Variants in USP6NL observed in about 807,000 individuals in gnomAD.
The protein encoded by USP6NL is USP6 N-terminal-like protein.
In USP6NL, 26 loss-of-function variants were observed where a neutral mutation model predicts 61.9. The observed-to-expected ratio is 0.42, with a 90% CI of 0.31 to 0.58. The LOEUF (loss-of-function observed/expected upper bound fraction) is 0.58, where lower values mean the gene tolerates loss of function less well. Among genes scored for constraint, USP6NL ranks in the 20% least tolerant of loss-of-function variants. USP6NL has a pLI of 0.16. For missense variants in USP6NL, 1,114 were observed against 1,034.3 expected, an observed-to-expected ratio of 1.08 and a Z score of -1.06; for synonymous variants, 432 against 390.1, an observed-to-expected ratio of 1.11 and a Z score of -1.27.
chr10:11,465,593 TCTG>T lies in USP6NL; in HGVS notation c.1079-1747_1079-1745del, dbSNP rs543745338. ...AAAAAAGGAATAGATTTCCAGCTGG[TCTG>T]CTGCTGCTGCTGCTGCTACTGCTGC... On this transcript the variant is annotated intron_variant, in intron 14 of 14. Coordinates refer to ENST00000609104, the MANE Select transcript of USP6NL (RefSeq NM_014688.5). The surrounding 1 kb of genome is among the most constrained non-coding windows in gnomAD (Gnocchi z 4.5). Among the ~76,000 whole-genome samples the T allele has an allele frequency of 6.6e-6, 1 of 151,948 alleles. No individual in the cohort carries two copies. Among genetic ancestry groups the T allele is most frequent in the Admixed American group, 6.6e-5 (1 of 15,248 alleles).
chr10:11,552,600 T>C (rs1836536139), intron 2 of USP6NL, among the ~76,000 whole-genome samples: 1 of 152,146 alleles, frequency 6.6e-6, no homozygotes, highest in African/African-American at 2.4e-5. Context: ...TCCTTTAGGG[T>C]GGGAATAAGA....
intron 5 of USP6NL, among the ~76,000 whole-genome samples, chr10:11,517,917 C>T (rs1053397224): frequency 2.6e-5 from 4 of 152,158 alleles, no homozygotes; most frequent in Admixed American, 2.0e-4. Flanking sequence ...AGGGAGATTT[C>T]GGACAACCTT....
intron 2 of USP6NL, among the ~76,000 whole-genome samples, chr10:11,534,838 A>G (rs979252212): frequency 6.6e-6 from 1 of 152,206 alleles, no homozygotes; most frequent in African/African-American, 2.4e-5. Context: ...ATTGGCTATT[A>G]ATGTTCACAA....
At chr10:11,488,300 G>A (rs899715489) in intron 10 of USP6NL, among the ~76,000 whole-genome samples, 5 of 152,022 alleles carry the variant, frequency 3.3e-5, no homozygotes, top group Non-Finnish European at 5.9e-5. Flanking sequence ...GTGTGGTTCC[G>A]GATACTAGAG....
Position 11,482,095 on chromosome 10 carries a change from C to T in USP6NL, c.926-173G>A, listed in dbSNP as rs904954648. On this transcript the variant is annotated intron_variant, in intron 13 of 14. Transcript: ENST00000609104. The surrounding 1 kb of genome is among the most constrained non-coding windows in gnomAD (Gnocchi z 4.0). ...AAACTCAGTAAGACAAAAATATTGC[C>T]TGATATTAAAGCAGCCACAGAGAAA... Among the ~76,000 whole-genome samples, 1 of 152,096 alleles carries T rather than the reference C, an allele frequency of 6.6e-6. No individual in the cohort carries two copies. Among genetic ancestry groups the T allele is most frequent in the African/African-American group, 2.4e-5 (1 of 41,424 alleles).
chr10:11,605,977 C>A (rs1838694369), intron 1 of USP6NL, among the ~76,000 whole-genome samples: 1 of 151,998 alleles, frequency 6.6e-6, no homozygotes, highest in Non-Finnish European at 1.5e-5. Flanking sequence ...TGAGAACTTG[C>A]CAAAATTGAC....
intron 2 of USP6NL, among the ~76,000 whole-genome samples, chr10:11,551,129 G>GT (rs1352966761): frequency 2.6e-5 from 4 of 152,124 alleles, no homozygotes; most frequent in Non-Finnish European, 5.9e-5. Flanking sequence ...TCACTCCTAG[G>GT]TATCTACGCA....
chr10:11,505,261 G>A (rs1461890004), intron 6 of USP6NL, among the ~76,000 whole-genome samples: 1 of 152,176 alleles, frequency 6.6e-6, no homozygotes, highest in African/African-American at 2.4e-5. Context: ...GAGTCCAACA[G>A]TAATAATGAC....
intron 1 of USP6NL, among the ~76,000 whole-genome samples, chr10:11,604,852 A>C (rs965815282): frequency 1.3e-5 from 2 of 152,198 alleles, no homozygotes; most frequent in African/African-American, 4.8e-5. Context: ...TAAAATAATT[A>C]TAATAATATG....
intron 14 of USP6NL, among the ~76,000 whole-genome samples, chr10:11,471,741 C>G (rs1832759271): frequency 6.7e-6 from 1 of 148,696 alleles, no homozygotes. Flanking sequence ...ATACCAAATA[C>G]TGCATGTTCT....
At chr10:11,609,127 C>T (rs574986200) in intron 1 of USP6NL, among the ~76,000 whole-genome samples, 4 of 152,058 alleles carry the variant, frequency 2.6e-5, no homozygotes, top group Non-Finnish European at 5.9e-5. Flanking sequence ...TGCAGTGGAG[C>T]GATCTCCGCT....
In USP6NL at chr10:11,537,808, A is replaced by G. The variant is rs1363383053; in HGVS notation, c.5-10241T>C. On this transcript the variant is annotated intron_variant, in intron 2 of 14. Coordinates refer to ENST00000609104, the MANE Select transcript of USP6NL (RefSeq NM_014688.5). This position sits in a 1 kb window ranked among gnomAD's most constrained non-coding sequence, Gnocchi z 5.1. ...CACCTGCTGGCCTCTGGGTGTGCCC[A>G]CTTGTAATGCTATTGCCCAAATGAT... 6.6e-6 allele frequency among the ~76,000 whole-genome samples: 1 copy of G among 151,974 alleles called. No homozygotes were observed. Among genetic ancestry groups the G allele is most frequent in the African/African-American group, 2.4e-5 (1 of 41,346 alleles).
In USP6NL at chr10:11,560,714, T is replaced by TATTATA. The variant is rs138095176; in HGVS notation, c.5-33148_5-33147insTATAAT. ...CCAAACAGTAAAAAATATATATATA[T>TATTATA]TATATATATATATATATATATTCAA... On this transcript the variant is annotated intron_variant, in intron 2 of 14. Coordinates refer to ENST00000609104, the MANE Select transcript of USP6NL (RefSeq NM_014688.5). Among the ~76,000 whole-genome samples, 933 of 141,266 alleles carry TATTATA rather than the reference T, an allele frequency of 6.6e-3. 34 individuals carry two copies. The highest frequency in any genetic ancestry group is 0.064 in the Admixed American group (893 of 13,964). 92.7% of individuals were successfully genotyped at this position (141,266 alleles called of 152,430 possible). A position where few individuals can be genotyped will look rare whatever the true frequency, so the allele number is the denominator to read the frequency against.
chr10:11,555,433 A>AAAAAAAAAAAAAT (rs1275798295), intron 2 of USP6NL, among the ~76,000 whole-genome samples: 2 of 49,028 alleles, frequency 4.1e-5, no homozygotes, highest in African/African-American at 9.4e-5. Context: ...AAAAAAAAAA[A>AAAAAAAAAAAAAT]ATATATATAT....
At chr10:11,467,539 T>G (rs946714363) in intron 14 of USP6NL, among the ~76,000 whole-genome samples, 1 of 152,224 alleles carries the variant, frequency 6.6e-6, no homozygotes, top group African/African-American at 2.4e-5. Flanking sequence ...AGAGGATTTG[T>G]GAAATTCAGT....
chr10:11,542,907 T>C (rs1319137462), intron 2 of USP6NL, among the ~76,000 whole-genome samples: 1 of 152,086 alleles, frequency 6.6e-6, no homozygotes, highest in Non-Finnish European at 1.5e-5. Context: ...CATGTCTCCG[T>C]CACCTCCTTT....
At chr10:11,563,496 G>A (rs1199915285) in intron 2 of USP6NL, 1 of 151,890 alleles carries the variant, frequency 6.6e-6, no homozygotes, top group Admixed American at 6.6e-5. Context: ...TCTGTGGATT[G>A]TACCAATATC....
intron 6 of USP6NL, among the ~76,000 whole-genome samples, chr10:11,508,560 A>C (rs1340807441): frequency 6.6e-6 from 1 of 152,228 alleles, no homozygotes; most frequent in Non-Finnish European, 1.5e-5. Context: ...GTACTGTGGA[A>C]TTAGTGATTC....
At chr10:11,536,711 C>T (rs1835847210) in intron 2 of USP6NL, among the ~76,000 whole-genome samples, 1 of 152,178 alleles carries the variant, frequency 6.6e-6, no homozygotes. Flanking sequence ...CAATCCAATC[C>T]TATACTTCCC....
Sources: allele counts gnomAD v4.1 joint callset (sites outside exome capture counted in the v4.1 genomes callset), GRCh38; gene constraint gnomAD v4.1.1; non-coding constraint Gnocchi (gnomAD v3.1); transcripts MANE v1.5; gene names NCBI Gene and HGNC (gene_info 2026-07-23, HGNC 2026-07-21).